DPP6: variants seen among roughly 807,000 people sequenced by gnomAD.
DPP6 encodes dipeptidyl peptidase like 6.
Under a neutral mutation model 122.6 loss-of-function variants are expected in DPP6, and 69 were observed. The ratio of observed to expected loss-of-function variants is 0.56; its 90% CI spans 0.46 to 0.69. The LOEUF is 0.69. DPP6 is among the 30% of genes least tolerant of loss of function. The pLI, the probability that DPP6 is intolerant of heterozygous loss-of-function variation, is 0.00. For missense variants in DPP6, 928 were observed against 1,116.9 expected (o/e 0.83, Z 2.41); for synonymous variants, 418 against 433.1 (o/e 0.97, Z 0.43).
chr7:154,503,151 G>A (rs977812633), intron 3 of DPP6, among the ~76,000 whole-genome samples: 4 of 152,202 alleles, frequency 2.6e-5, no homozygotes, highest in Non-Finnish European at 5.9e-5. Context: ...TTGCAATACA[G>A]TACAGCCTTT....
chr7:153,861,969 G>A, the DPP6 span, among the ~76,000 whole-genome samples: 2 of 152,160 alleles, frequency 1.3e-5, no homozygotes, highest in African/African-American at 4.8e-5. Context: ...TCAATTAACT[G>A]ATACTCCCAC....
At chr7:154,216,539 G>A (rs1160658967) in intron 1 of DPP6, among the ~76,000 whole-genome samples, 1 of 152,174 alleles carries the variant, frequency 6.6e-6, no homozygotes, top group Admixed American at 6.5e-5. Flanking sequence ...AGGATTGGTA[G>A]CAAATGGCCC....
intron 1 of DPP6, among the ~76,000 whole-genome samples, chr7:153,975,231 A>C (rs1333449808): frequency 1.3e-5 from 1 of 75,474 alleles, no homozygotes; most frequent in Non-Finnish European, 2.6e-5. Context: ...AAAAGCAAGA[A>C]TTCTTAGTTT....
At chr7:154,001,349 T>C (rs536117230) in intron 1 of DPP6, among the ~76,000 whole-genome samples, 3 of 147,090 alleles carry the variant, frequency 2.0e-5, no homozygotes, top group South Asian at 2.2e-4. Context: ...TATGTACTTA[T>C]GTATGTAAAC....
At chr7:153,928,688 C>G (rs566697590) in intron 1 of DPP6, among the ~76,000 whole-genome samples, 1 of 152,096 alleles carries the variant, frequency 6.6e-6, no homozygotes, top group East Asian at 1.9e-4. Flanking sequence ...CCTGGAAGGC[C>G]CCACCTTTTA....
chr7:153,770,537 GA>G, the DPP6 span, among the ~76,000 whole-genome samples: 28 of 148,968 alleles, frequency 1.9e-4, no homozygotes, highest in Middle Eastern at 3.5e-3. Context: ...CAAGGAGAAG[GA>G]AAAAAAAAGC....
chr7:154,687,156 C>T (rs1263960628), intron 7 of DPP6, among the ~76,000 whole-genome samples: 2 of 151,864 alleles, frequency 1.3e-5, no homozygotes, highest in Non-Finnish European at 2.9e-5. Context: ...CTTGATGTAC[C>T]CTGAGTGTAC....
intron 6 of DPP6, among the ~76,000 whole-genome samples, chr7:154,664,126 C>T (rs1837979576): frequency 6.8e-6 from 1 of 148,086 alleles, no homozygotes; most frequent in African/African-American, 2.4e-5. Context: ...TGGTGAATCA[C>T]CATGGCGTAT....
intron 2 of DPP6, among the ~76,000 whole-genome samples, chr7:154,464,197 G>A (rs1157479156): frequency 1.3e-5 from 2 of 152,180 alleles, no homozygotes; most frequent in Non-Finnish European, 2.9e-5. Flanking sequence ...CGTGGGAATT[G>A]ACTGAGTTCT....
At chr7:153,811,882 G>A in the DPP6 span, among the ~76,000 whole-genome samples, 1 of 152,082 alleles carries the variant, frequency 6.6e-6, no homozygotes, top group Admixed American at 6.5e-5. Context: ...ATCTTCCAGT[G>A]TTGGGTTTGG....
intron 1 of DPP6, among the ~76,000 whole-genome samples, chr7:154,068,255 GTTA>G (rs1203391396): frequency 6.6e-6 from 1 of 150,644 alleles, no homozygotes; most frequent in Non-Finnish European, 1.5e-5. Flanking sequence ...GTATTTTGAG[GTTA>G]TTATTCTATT....
intron 16 of DPP6, among the ~76,000 whole-genome samples, chr7:154,836,327 A>G: frequency 6.6e-6 from 1 of 152,224 alleles, no homozygotes; most frequent in East Asian, 1.9e-4. Flanking sequence ...CTTCTGAAGC[A>G]CACAGCACTG....
rs117040273 is a variant in DPP6 at position 154,458,120 on chromosome 7, C to T, written c.358+11792C>T. 5.7e-3 allele frequency among the ~76,000 whole-genome samples: 865 copies of T among 152,304 alleles called. 5 individuals are homozygous for T. Among genetic ancestry groups the T allele is most frequent in the Non-Finnish European group, 9.2e-3 (623 of 68,026 alleles). ...CCCAGAGGCTGGAAGAGACAAAGAA[C>T]AGATGTGATATGGCTTGGCTGTATC... On this transcript the variant is annotated intron_variant, in intron 2 of 25. Coordinates refer to ENST00000377770, the MANE Select transcript of DPP6 (RefSeq NM_130797.4).
In DPP6 at chr7:154,246,441, G is replaced by T. The variant is rs140883313; in HGVS notation, c.243+193378G>T. 2.0e-5 allele frequency among the ~76,000 whole-genome samples: 3 copies of T among 152,100 alleles called. No individual in the cohort carries two copies. The East Asian group carries it at 5.8e-4, about 29-fold the overall frequency. On this transcript the variant is annotated intron_variant, in intron 1 of 25. Transcript: ENST00000377770. ...ACAACTTACATAAATGAAGAGATTC[G>T]ATATTATCAAGATATCAGTTCTCCA...
intron 3 of DPP6, among the ~76,000 whole-genome samples, chr7:154,492,896 A>G (rs1824406158): frequency 6.6e-6 from 1 of 152,198 alleles, no homozygotes; most frequent in South Asian, 2.1e-4. Context: ...TGAAGGGTTG[A>G]GGCTTGTTTT....
intron 1 of DPP6, among the ~76,000 whole-genome samples, chr7:154,309,120 A>G (rs1806630207): frequency 1.3e-5 from 2 of 152,230 alleles, no homozygotes; most frequent in African/African-American, 2.4e-5. Flanking sequence ...CCTTTCCTCA[A>G]AAGATCTCCA....
Position 154,618,265 on chromosome 7 carries a change from TC to T in DPP6, c.628-19554del, listed in dbSNP as rs1254036902. On this transcript the variant is annotated intron_variant, in intron 5 of 25. Coordinates refer to ENST00000377770, the MANE Select transcript of DPP6 (RefSeq NM_130797.4). The surrounding 1 kb of genome is among the most constrained non-coding windows in gnomAD (Gnocchi z 4.1). ...CCCCTAATGGGTTTCCAGGGTCGTGTCCTTTCCCAACCCCTGAGGAAGCTCA... is the reference window on the plus strand; with the variant it reads ...CCCCTAATGGGTTTCCAGGGTCGTGTCTTTCCCAACCCCTGAGGAAGCTCA... Among the ~76,000 whole-genome samples, 1 of 152,100 alleles carries T rather than the reference TC, an allele frequency of 6.6e-6. No individual in the cohort carries two copies. Among genetic ancestry groups the T allele is most frequent in the East Asian group, 1.9e-4 (1 of 5,170 alleles).
intron 1 of DPP6, among the ~76,000 whole-genome samples, chr7:154,421,111 G>T (rs539480803): frequency 1.3e-5 from 2 of 152,092 alleles, no homozygotes; most frequent in Non-Finnish European, 2.9e-5. Flanking sequence ...GGGCACCCAC[G>T]TCACGTCTGA....
At chr7:154,692,375 A>G (rs1438328015) in intron 7 of DPP6, among the ~76,000 whole-genome samples, 1 of 152,210 alleles carries the variant, frequency 6.6e-6, no homozygotes, top group East Asian at 1.9e-4. Flanking sequence ...TATGTAATTA[A>G]GTCACGTCCT....
Sources: allele counts gnomAD v4.1 joint callset (sites outside exome capture counted in the v4.1 genomes callset), GRCh38; gene constraint gnomAD v4.1.1; non-coding constraint Gnocchi (gnomAD v3.1); transcripts MANE v1.5; gene names NCBI Gene and HGNC (gene_info 2026-07-23, HGNC 2026-07-21).